The following DPH6 variants were observed in gnomAD, a reference collection of about 807,000 sequenced individuals.
DPH6 encodes diphthine--ammonia ligase.
Under a neutral mutation model 38.2 loss-of-function variants are expected in DPH6, and 33 were observed. That is an observed-to-expected ratio of 0.86 (90% CI 0.65 to 1.15). DPH6 has a LOEUF of 1.15. DPH6 is among the 50% of genes most tolerant of loss of function. The pLI is 0.00. For missense variants in DPH6, 325 were observed against 320.0 expected (o/e 1.02, Z -0.12); for synonymous variants, 108 against 103.0 (o/e 1.05, Z -0.30).
intron 3 of DPH6, among the ~76,000 whole-genome samples, chr15:35,488,661 TG>T (rs1265456925): frequency 6.6e-6 from 1 of 152,038 alleles, no homozygotes; most frequent in African/African-American, 2.4e-5. Flanking sequence ...GAGATTTGGG[TG>T]GGGACAGAGA....
At chr15:35,362,369 GGA>G (rs1488254391) in intron 3 of DPH6, among the ~76,000 whole-genome samples, 1 of 152,046 alleles carries the variant, frequency 6.6e-6, no homozygotes, top group Non-Finnish European at 1.5e-5. Flanking sequence ...CTCCAAGTCA[GGA>G]GAGACAGTAA....
chr15:35,250,770 A>G (rs554082201), intron 3 of DPH6, among the ~76,000 whole-genome samples: 1 of 152,324 alleles, frequency 6.6e-6, no homozygotes, highest in South Asian at 2.1e-4. Flanking sequence ...AATAATAAAT[A>G]TAATAAGAAT....
intron 5 of DPH6, among the ~76,000 whole-genome samples, chr15:35,419,068 T>TACACACACACACACACACAC (rs145718698): frequency 2.1e-4 from 30 of 144,948 alleles, no homozygotes; most frequent in African/African-American, 7.5e-4. Context: ...CACACACACA[T>TACACACACACACACACACAC]ACACACACAC....
At chr15:35,459,922 A>G (rs1595383441) in intron 3 of DPH6, among the ~76,000 whole-genome samples, 1 of 152,216 alleles carries the variant, frequency 6.6e-6, no homozygotes, top group African/African-American at 2.4e-5. Context: ...ACAATCCAAA[A>G]TACTATTAAA....
At chr15:35,154,075 A>G in the DPH6 span, among the ~76,000 whole-genome samples, 1 of 152,198 alleles carries the variant, frequency 6.6e-6, no homozygotes, top group African/African-American at 2.4e-5. Flanking sequence ...ATATTTGTCG[A>G]AAGTTACAAT....
intron 3 of DPH6, among the ~76,000 whole-genome samples, chr15:35,493,192 C>G (rs1042215881): frequency 7.7e-6 from 1 of 129,328 alleles, no homozygotes; most frequent in Non-Finnish European, 1.6e-5. Flanking sequence ...CAAACAAAAG[C>G]TAATTGGATC....
chr15:35,183,807 ATATAC>A, the DPH6 span, among the ~76,000 whole-genome samples: 14 of 152,370 alleles, frequency 9.2e-5, no homozygotes, highest in South Asian at 1.9e-3. Flanking sequence ...TTCTTCCTTC[ATATAC>A]AATGTTAAAA....
At chr15:35,496,618 A>G (rs2054563015) in intron 3 of DPH6, among the ~76,000 whole-genome samples, 2 of 136,630 alleles carry the variant, frequency 1.5e-5, no homozygotes, top group South Asian at 5.1e-4. Flanking sequence ...TGAGAGAGAT[A>G]AAGAGAACCA....
chr15:35,239,480 G>T lies in DPH6; in HGVS notation n.201-18898C>A, dbSNP rs532474668. Among the ~76,000 whole-genome samples the T allele has an allele frequency of 2.1e-5, 3 of 144,264 alleles. 1 individual carries two copies. The Admixed American group carries it at 2.2e-4, about 11-fold the overall frequency. The allele number at this position is 144,264 out of a possible 152,430, so 94.6% of individuals were successfully genotyped here. On this transcript the variant is annotated intron_variant and non_coding_transcript_variant, in intron 3 of 3. Transcript: ENST00000560386. ...CCACGTTTCAAGGGTGTCAGACCAT[G>T]CAGGGACGCCTGCCTTGGTCCTTCA...
intron 3 of DPH6, among the ~76,000 whole-genome samples, chr15:35,325,616 G>A (rs2052276257): frequency 1.3e-5 from 2 of 151,402 alleles, no homozygotes; most frequent in Admixed American, 1.3e-4. Context: ...AATCTGGAAG[G>A]TAAACAATAA....
chr15:35,312,602 A>T (rs1463514808), intron 3 of DPH6, among the ~76,000 whole-genome samples: 2 of 152,250 alleles, frequency 1.3e-5, no homozygotes, highest in Non-Finnish European at 2.9e-5. Flanking sequence ...TACAATATTC[A>T]GCATTAATAA....
intron 6 of DPH6, among the ~76,000 whole-genome samples, chr15:35,389,454 C>G (rs1056884443): frequency 6.6e-6 from 1 of 152,108 alleles, no homozygotes. Flanking sequence ...TAAAGTCTCC[C>G]ATTATTACTG....
chr15:35,449,531 A>C (rs141035681), intron 5 of DPH6, among the ~76,000 whole-genome samples: 2 of 152,230 alleles, frequency 1.3e-5, no homozygotes, highest in African/African-American at 4.8e-5. Context: ...CGTGAACTTC[A>C]TTATGGAATT....
chr15:35,344,260 T>C (rs2052444696), intron 3 of DPH6, among the ~76,000 whole-genome samples: 2 of 151,992 alleles, frequency 1.3e-5, no homozygotes, highest in Admixed American at 1.3e-4. Context: ...CCTAAATCCA[T>C]TTAAAAATGT....
chr15:35,337,852 G>A (rs1337782317), intron 3 of DPH6, among the ~76,000 whole-genome samples: 1 of 151,966 alleles, frequency 6.6e-6, no homozygotes, highest in Non-Finnish European at 1.5e-5. Flanking sequence ...CAATGGAACA[G>A]AACAGAGCCC....
chr15:35,145,514 C>T, the DPH6 span, among the ~76,000 whole-genome samples: 1 of 152,172 alleles, frequency 6.6e-6, no homozygotes, highest in Non-Finnish European at 1.5e-5. Flanking sequence ...GAGCTAGCTC[C>T]AGCTGCATTC....
downstream of DPH6, among the ~76,000 whole-genome samples, chr15:35,327,626 T>C (rs758046111): frequency 8.5e-5 from 13 of 152,168 alleles, no homozygotes; most frequent in Non-Finnish European, 1.6e-4. Flanking sequence ...GTGCCTGGCC[T>C]CTAGAAAAGG....
At chr15:35,309,900 A>G (rs1448979943) in intron 3 of DPH6, among the ~76,000 whole-genome samples, 3 of 152,212 alleles carry the variant, frequency 2.0e-5, no homozygotes, top group African/African-American at 2.4e-5. Context: ...AAATGTGAAT[A>G]TCTATAATCA....
At chr15:35,327,119 T>C (rs766771364), downstream of DPH6, among the ~76,000 whole-genome samples, 1 of 152,142 alleles carries the variant, frequency 6.6e-6, no homozygotes, top group Non-Finnish European at 1.5e-5. Context: ...CAAATTTCCA[T>C]ATAAGGAAGC....
Sources: gnomAD v4.1 joint callset for allele counts (sites outside exome capture counted in the v4.1 genomes callset) on GRCh38, gnomAD v4.1.1 for gene constraint, MANE v1.5 for transcripts, NCBI Gene and HGNC (gene_info 2026-07-23, HGNC 2026-07-21) for gene names.